Variants in CHRM3 observed in about 807,000 individuals in gnomAD.
The protein encoded by CHRM3 is muscarinic acetylcholine receptor M3.
Under a neutral mutation model 41.8 loss-of-function variants are expected in CHRM3, and 11 were observed. The ratio of observed to expected loss-of-function variants is 0.26; its 90% CI spans 0.17 to 0.44. CHRM3 has a LOEUF of 0.44. Ranked by LOEUF, CHRM3 falls within the 20% of genes least tolerant of loss-of-function variation. The pLI is 1.00. For synonymous variants in CHRM3, 297 were observed against 301.4 expected (o/e 0.99, Z 0.15); for missense variants, 571 against 745.4 (o/e 0.77, Z 2.72).
chr1:239,873,345 CTT>C (rs959525826), intron 6 of CHRM3, among the ~76,000 whole-genome samples: 2 of 151,288 alleles, frequency 1.3e-5, no homozygotes, highest in African/African-American at 4.9e-5. Flanking sequence ...GAAACTTTCT[CTT>C]TTTTTTTATT....
At chr1:239,505,646 A>G (rs1203300219) in intron 2 of CHRM3, among the ~76,000 whole-genome samples, 1 of 152,154 alleles carries the variant, frequency 6.6e-6, no homozygotes, top group Non-Finnish European at 1.5e-5. Flanking sequence ...ATCAAAATGG[A>G]CCAATACAGT....
intron 6 of CHRM3, among the ~76,000 whole-genome samples, chr1:239,897,160 G>A (rs966081301): frequency 9.2e-5 from 14 of 152,140 alleles, no homozygotes; most frequent in African/African-American, 2.7e-4. Context: ...TTTAATGCGC[G>A]CCTCCCACAT....
chr1:239,771,800 C>A (rs1241450655), intron 5 of CHRM3, among the ~76,000 whole-genome samples: 2 of 152,036 alleles, frequency 1.3e-5, no homozygotes, highest in African/African-American at 4.8e-5. Flanking sequence ...GCCTACAGGC[C>A]CATAGGTTTC....
In CHRM3 at chr1:239,439,543, G is replaced by A. The variant is rs61253401; in HGVS notation, c.-521+52316G>A. ...GGAGAATTGAAATAGGGTCAAAGAAGGGTGAGAAAGCATTTATTGGATAAA... is the reference window on the plus strand; with the variant it reads ...GGAGAATTGAAATAGGGTCAAAGAAAGGTGAGAAAGCATTTATTGGATAAA... On this transcript the variant is annotated intron_variant, in intron 1 of 6. Coordinates refer to ENST00000676153, the MANE Select transcript of CHRM3 (RefSeq NM_001375978.1). Among the ~76,000 whole-genome samples the A allele has an allele frequency of 5.5e-3, 840 of 152,272 alleles. 11 individuals are homozygous for A. Among genetic ancestry groups the A allele is most frequent in the African/African-American group, 0.019 (795 of 41,552 alleles).
intron 1 of CHRM3, among the ~76,000 whole-genome samples, chr1:239,466,819 A>G (rs1468529393): frequency 5.9e-5 from 9 of 152,128 alleles, no homozygotes; most frequent in African/African-American, 1.9e-4. Context: ...TTGGGTACAT[A>G]AAAATCCTAT....
chr1:239,533,906 G>A (rs1252125049), intron 2 of CHRM3, among the ~76,000 whole-genome samples: 1 of 152,046 alleles, frequency 6.6e-6, no homozygotes, highest in Non-Finnish European at 1.5e-5. Context: ...ATGAGATTTG[G>A]GTGAGGACAC....
intron 1 of CHRM3, among the ~76,000 whole-genome samples, chr1:239,470,442 AC>A (rs751226978): frequency 5.8e-4 from 88 of 151,466 alleles, no homozygotes; most frequent in Non-Finnish European, 1.0e-3. Flanking sequence ...AAAAATTCAC[AC>A]CCCCCCACTC....
intron 3 of CHRM3, among the ~76,000 whole-genome samples, chr1:239,618,273 C>CA (rs1667863263): frequency 8.8e-6 from 1 of 113,048 alleles, no homozygotes; most frequent in Non-Finnish European, 1.7e-5. Context: ...CTTTTTTTTT[C>CA]TTTCTTTTTT....
intron 6 of CHRM3, among the ~76,000 whole-genome samples, chr1:239,878,152 A>C (rs975549058): frequency 6.7e-6 from 1 of 149,042 alleles, no homozygotes; most frequent in Non-Finnish European, 1.5e-5. Context: ...GGCCTCCCAA[A>C]GTGTTTATTT....
intron 1 of CHRM3, among the ~76,000 whole-genome samples, chr1:239,457,506 A>G (rs987174962): frequency 3.3e-5 from 5 of 152,224 alleles, no homozygotes; most frequent in African/African-American, 1.2e-4. Flanking sequence ...AAATGAGATC[A>G]GAGCCCTATA....
intron 5 of CHRM3, among the ~76,000 whole-genome samples, chr1:239,789,944 A>C (rs1005964646): frequency 2.0e-5 from 3 of 152,128 alleles, no homozygotes; most frequent in Non-Finnish European, 2.9e-5. Context: ...GTGAAAGGAG[A>C]TCATTTTGGA....
intron 3 of CHRM3, among the ~76,000 whole-genome samples, chr1:239,564,682 A>T (rs1661185962): frequency 6.6e-6 from 1 of 152,106 alleles, no homozygotes; most frequent in Non-Finnish European, 1.5e-5. Context: ...TTTTCATTGG[A>T]ATTTTTGCCT....
At chr1:239,898,731 T>C (rs1679223915) in intron 6 of CHRM3, among the ~76,000 whole-genome samples, 1 of 152,212 alleles carries the variant, frequency 6.6e-6, no homozygotes, top group Non-Finnish European at 1.5e-5. Flanking sequence ...GGACATGAAA[T>C]GAGTTTATCT....
At chr1:239,870,770 T>C (rs1279255600) in intron 6 of CHRM3, among the ~76,000 whole-genome samples, 1 of 152,196 alleles carries the variant, frequency 6.6e-6, no homozygotes, top group Non-Finnish European at 1.5e-5. Context: ...TCTAAGGAGA[T>C]CATGCTTTTC....
At chr1:239,723,307 A>C (rs1663147170) in intron 5 of CHRM3, among the ~76,000 whole-genome samples, 1 of 151,954 alleles carries the variant, frequency 6.6e-6, no homozygotes, top group Non-Finnish European at 1.5e-5. Context: ...GAAAAAAATA[A>C]ATGCATTCTA....
intron 1 of CHRM3, among the ~76,000 whole-genome samples, chr1:239,442,908 G>A (rs997287236): frequency 3.9e-5 from 6 of 152,160 alleles, no homozygotes; most frequent in African/African-American, 1.2e-4. Context: ...GAGCCCTTGT[G>A]TTATGGGGTA....
intron 5 of CHRM3, among the ~76,000 whole-genome samples, chr1:239,777,242 C>T (rs1481877342): frequency 6.6e-6 from 1 of 152,110 alleles, no homozygotes; most frequent in Non-Finnish European, 1.5e-5. Flanking sequence ...GAAAGTCAAG[C>T]CAAATCGACA....
At chr1:239,892,307 T>G (rs1258247602) in intron 6 of CHRM3, among the ~76,000 whole-genome samples, 1 of 152,232 alleles carries the variant, frequency 6.6e-6, no homozygotes, top group Non-Finnish European at 1.5e-5. Flanking sequence ...TTATTTTATT[T>G]TGATTCTTGC....
At chr1:239,793,941 T>C (rs1448315402) in intron 5 of CHRM3, among the ~76,000 whole-genome samples, 1 of 147,456 alleles carries the variant, frequency 6.8e-6, no homozygotes, top group Non-Finnish European at 1.5e-5. Context: ...GCCTCCCAAA[T>C]AGCTGGGACT....
Sources: gnomAD v4.1 joint callset for allele counts (sites outside exome capture counted in the v4.1 genomes callset) on GRCh38, gnomAD v4.1.1 for gene constraint, MANE v1.5 for transcripts, NCBI Gene and HGNC (gene_info 2026-07-23, HGNC 2026-07-21) for gene names.